Variants in CCDC138 observed in about 807,000 individuals in gnomAD.
CCDC138 encodes the protein coiled-coil domain containing 138, also known as coiled-coil domain-containing protein 138.
CCDC138 carries 66 observed loss-of-function variants against 82.3 expected under a neutral mutation model. That is an observed-to-expected ratio of 0.80 (90% CI 0.66 to 0.98). The LOEUF (loss-of-function observed/expected upper bound fraction) is 0.98. Among genes scored for constraint, CCDC138 ranks in the 50% least tolerant of loss-of-function variants. CCDC138 has a pLI of 0.00. For missense variants in CCDC138, 816 were observed against 758.9 expected (o/e 1.08, Z -0.88); for synonymous variants, 297 against 265.4 (o/e 1.12, Z -1.16).
At chr2:108,798,189 A>G (rs532255199) in intron 5 of CCDC138, among the ~76,000 whole-genome samples, 24 of 152,196 alleles carry the variant, frequency 1.6e-4, no homozygotes, top group Non-Finnish European at 2.2e-4. Context: ...TTTGGACCCT[A>G]AATTCTCTTG....
intron 13 of CCDC138, among the ~76,000 whole-genome samples, chr2:108,866,099 C>T (rs541698681): frequency 9.9e-5 from 15 of 152,164 alleles, no homozygotes; most frequent in Non-Finnish European, 1.9e-4. Flanking sequence ...TTCACACCTA[C>T]TGGGATGCAG....
chr2:108,872,886 TCTTAA>T (rs1394506340), intron 13 of CCDC138, among the ~76,000 whole-genome samples: 1 of 152,148 alleles, frequency 6.6e-6, no homozygotes, highest in Non-Finnish European at 1.5e-5. Flanking sequence ...GCCCCACAAG[TCTTAA>T]CTTGTAATAG....
chr2:108,820,882 T>G (rs1051445861), intron 10 of CCDC138, among the ~76,000 whole-genome samples: 34 of 152,050 alleles, frequency 2.2e-4, no homozygotes, highest in African/African-American at 8.0e-4. Flanking sequence ...CACAGCAACA[T>G]GAAGCCATAT....
At chr2:108,840,662 G>A (rs889350734) in intron 11 of CCDC138, among the ~76,000 whole-genome samples, 1 of 151,994 alleles carries the variant, frequency 6.6e-6, no homozygotes, top group Non-Finnish European at 1.5e-5. Flanking sequence ...ATCTGTAGTG[G>A]TAGCATTATT....
intron 9 of CCDC138, 104 bp downstream of exon 9, chr2:108,813,031 C>G: frequency 1.2e-6 from 1 of 840,526 alleles, no homozygotes; most frequent in South Asian, 1.6e-5. Context: ...GGGCGGATCA[C>G]GATGTCAGGA....
downstream of CCDC138, among the ~76,000 whole-genome samples, chr2:108,877,951 A>G (rs1029209711): frequency 6.6e-6 from 1 of 152,232 alleles, no homozygotes; most frequent in Non-Finnish European, 1.5e-5. Flanking sequence ...GCTCTACAGG[A>G]GAAGATTTTT....
At chr2:108,877,781 C>T (rs189492855), downstream of CCDC138, among the ~76,000 whole-genome samples, 247 of 152,248 alleles carry the variant, frequency 1.6e-3, 2 homozygotes, top group Non-Finnish European at 2.7e-3. Context: ...ATTGAAAGGG[C>T]TCATCATGTT....
intron 13 of CCDC138, among the ~76,000 whole-genome samples, chr2:108,871,931 A>G (rs1695313194): frequency 6.6e-6 from 1 of 152,072 alleles, no homozygotes; most frequent in African/African-American, 2.4e-5. Context: ...AGTGATCAAG[A>G]CTAGTCCTTT....
chr2:108,810,955 G>A (rs1173124144), intron 7 of CCDC138, among the ~76,000 whole-genome samples: 3 of 151,988 alleles, frequency 2.0e-5, no homozygotes, highest in Non-Finnish European at 2.9e-5. Flanking sequence ...TAGGTTTTCC[G>A]GTTTGTTGGC....
chr2:108,831,591 G>C (rs886879437), intron 10 of CCDC138, among the ~76,000 whole-genome samples: 5 of 152,146 alleles, frequency 3.3e-5, no homozygotes, highest in African/African-American at 1.2e-4. Context: ...AGAGAAACTT[G>C]ACTTTCCAAT....
intron 13 of CCDC138, among the ~76,000 whole-genome samples, chr2:108,870,016 A>G (rs1242402309): frequency 3.3e-5 from 5 of 152,234 alleles, no homozygotes; most frequent in African/African-American, 9.6e-5. Flanking sequence ...TATCTTAAAT[A>G]TGCTCAATGA....
In CCDC138 at chr2:108,805,012, A is replaced by T; in HGVS notation, c.855+4A>T. The T allele has an allele frequency of 2.0e-6, 3 of 1,481,122 alleles. No individual in the cohort carries two copies. The highest frequency in any genetic ancestry group is 9.1e-7 in the Non-Finnish European group (1 of 1,102,578). 91.7% of individuals were successfully genotyped at this position (1,481,122 alleles called of 1,614,324 possible). ...GAATGATACCTTAAAAAAACAGGTA[A>T]GACCTGTTTTAATATATACTGAACA... On this transcript the variant is annotated splice_donor_region_variant and intron_variant, in intron 7 of 14. Coordinates refer to ENST00000295124, the MANE Select transcript of CCDC138 (RefSeq NM_144978.3).
At chr2:108,848,058 A>G (rs13407485) in intron 12 of CCDC138, among the ~76,000 whole-genome samples, 2,439 of 152,308 alleles carry the variant, frequency 0.016, 73 homozygotes, top group African/African-American at 0.057. Context: ...TAGCTGACAC[A>G]TCATAGCCAC....
intron 10 of CCDC138, among the ~76,000 whole-genome samples, chr2:108,828,696 C>T (rs1422290798): frequency 6.6e-6 from 1 of 152,056 alleles, no homozygotes; most frequent in Admixed American, 6.6e-5. Context: ...AAATTTAACT[C>T]GGCTGGGCGT....
At chr2:108,858,805 A>G (rs1693080139) in intron 13 of CCDC138, among the ~76,000 whole-genome samples, 2 of 151,846 alleles carry the variant, frequency 1.3e-5, no homozygotes, top group South Asian at 4.2e-4. Flanking sequence ...GTCATTTAGG[A>G]TAATGGCATC....
intron 12 of CCDC138, among the ~76,000 whole-genome samples, chr2:108,854,065 T>G (rs1390901986): frequency 1.6e-5 from 2 of 123,002 alleles, no homozygotes; most frequent in African/African-American, 6.6e-5. Flanking sequence ...ATTATATATA[T>G]TTTATATATA....
intron 10 of CCDC138, among the ~76,000 whole-genome samples, chr2:108,823,491 G>C (rs1007164431): frequency 1.3e-5 from 2 of 152,180 alleles, no homozygotes; most frequent in Non-Finnish European, 2.9e-5. Flanking sequence ...AAACATTGTA[G>C]AGTGTATTTA....
chr2:108,791,433 G>C (rs1679882790), intron 3 of CCDC138: 1 of 484,072 alleles, frequency 2.1e-6, no homozygotes, highest in South Asian at 1.7e-5. Context: ...ACCACAGGTA[G>C]GTATATGTCA....
intron 10 of CCDC138, among the ~76,000 whole-genome samples, chr2:108,820,611 C>T (rs998556507): frequency 6.6e-6 from 1 of 150,906 alleles, no homozygotes; most frequent in Admixed American, 6.6e-5. Flanking sequence ...CAGCTGGTCA[C>T]GTTCAAGGGA....
Sources: allele counts gnomAD v4.1 joint callset (sites outside exome capture counted in the v4.1 genomes callset), GRCh38; gene constraint gnomAD v4.1.1; transcripts MANE v1.5; gene names NCBI Gene and HGNC (gene_info 2026-07-23, HGNC 2026-07-21).